The following MDFI variants were observed in gnomAD, a reference collection of about 807,000 sequenced individuals.
MDFI encodes the protein inhibitor of MyoD family a.
MDFI carries 16 observed loss-of-function variants against 22.3 expected under a neutral mutation model. The ratio of observed to expected loss-of-function variants is 0.72; its 90% CI spans 0.49 to 1.09. The LOEUF (loss-of-function observed/expected upper bound fraction) is 1.09. Ranked by LOEUF, MDFI falls within the 50% of genes least tolerant of loss-of-function variation. The pLI is 0.00. For missense variants in MDFI, 314 were observed against 326.1 expected, an observed-to-expected ratio of 0.96 and a Z score of 0.29; for synonymous variants, 145 against 142.7, an observed-to-expected ratio of 1.02 and a Z score of -0.12.
intron 2 of MDFI, among the ~76,000 whole-genome samples, chr6:41,642,281 G>T (rs1441365733): frequency 1.3e-5 from 2 of 152,128 alleles, no homozygotes; most frequent in Non-Finnish European, 2.9e-5. Context: ...CACCCCCTTG[G>T]CAGGCACCTT....
chr6:41,640,826 C>G (rs1473308625), intron 2 of MDFI, among the ~76,000 whole-genome samples: 2 of 152,232 alleles, frequency 1.3e-5, no homozygotes, highest in Non-Finnish European at 2.9e-5. Flanking sequence ...CTCCTCCCCA[C>G]CCACCCCTGA....
rs371199141 is a variant in MDFI, at chr6:41,653,276, C to T, written c.485-43C>T. The T allele has an allele frequency of 1.0e-5, 16 of 1,594,416 alleles. No homozygotes were observed. The East Asian group carries it at 1.8e-4, about 18-fold the overall frequency. On this transcript the variant is annotated intron_variant, in intron 4 of 4. Transcript: ENST00000230321. This position sits in a 1 kb window ranked among gnomAD's most constrained non-coding sequence, Gnocchi z 4.2. ...CCGGCTATTTCACACACGCTCATCC[C>T]TCCCCTCTCTCACCCGTCCCCCTCT...
rs551815678 is a variant in MDFI at position 41,649,743 on chromosome 6, G to A, written c.384G>A (p.Arg128=). The part of the protein sequence containing the change: ...NGALGGPKAH[R]KLQTHPSLAS... ...CCCTGGGTGGCCCCAAGGCCCACCG[G>A]AAGTTGCAGACACACCCATCTCTCG... is the stretch of plus-strand genomic sequence containing the variant. Residue 128 remains arginine, a synonymous_variant, in exon 4 of 5, where the codon CGG becomes CGA. Coordinates refer to ENST00000230321, the MANE Select transcript of MDFI (RefSeq NM_005586.4). 1.4e-4 allele frequency: 225 copies of A among 1,614,134 alleles called. No individual in the cohort carries two copies. Among genetic ancestry groups the A allele is most frequent in the Non-Finnish European group, 1.8e-4 (218 of 1,180,022 alleles).
rs778878739 is a variant in MDFI at position 41,653,331 on chromosome 6, A to G, written c.497A>G (p.His166Arg). The change falls in exon 5 of 5, where the codon CAC (histidine) becomes CGC (arginine). Residue 166 changes from histidine (H) to arginine (R), a missense_variant. By Grantham distance (29) the His-to-Arg change is conservative. Coordinates refer to ENST00000230321, the MANE Select transcript of MDFI (RefSeq NM_005586.4). This position sits in a 1 kb window ranked among gnomAD's most constrained non-coding sequence, Gnocchi z 4.2. ...PLQAQEDCCV[H>R]CILSCLFCEF... ...CGCCACCCCGCAGACTGCTGTGTCC[A>G]CTGCATCCTGTCCTGCCTGTTCTGC... 3 of 1,611,092 alleles carry G rather than the reference A, an allele frequency of 1.9e-6. No individual in the cohort carries two copies. The highest frequency in any genetic ancestry group is 2.2e-5 in the South Asian group (2 of 91,006).
At chr6:41,648,563 G>T (rs932718149) in intron 3 of MDFI, among the ~76,000 whole-genome samples, 3 of 152,100 alleles carry the variant, frequency 2.0e-5, no homozygotes, top group Non-Finnish European at 4.4e-5. Context: ...CACAGACCAG[G>T]CCTGGAGGGA....
rs1768211783 is a variant in MDFI at position 41,650,046 on chromosome 6, G to C, written c.484+203G>C. The C allele has an allele frequency of 6.9e-6, 4 of 581,082 alleles. No homozygotes were observed. The East Asian group carries it at 1.2e-4, about 17-fold the overall frequency. 36.0% of individuals were successfully genotyped at this position (581,082 alleles called of 1,614,324 possible). A position where few individuals can be genotyped will look rare whatever the true frequency, so the allele number is the denominator to read the frequency against. ...GAACCTGACGCATGACCAAATCTTA[G>C]AACCTTGCAAAGTACACCCGTTGGG... is the stretch of plus-strand genomic sequence containing the variant. On this transcript the variant is annotated intron_variant, in intron 4 of 4. Transcript: ENST00000230321.
At chr6:41,648,496 C>T (rs1768140693) in intron 3 of MDFI, among the ~76,000 whole-genome samples, 1 of 152,206 alleles carries the variant, frequency 6.6e-6, no homozygotes, top group Non-Finnish European at 1.5e-5. Context: ...ACCGAGGCCA[C>T]CCTCCCCTCT....
intron 2 of MDFI, among the ~76,000 whole-genome samples, chr6:41,641,284 G>A (rs1194108249): frequency 2.6e-5 from 4 of 152,290 alleles, no homozygotes; most frequent in South Asian, 4.1e-4. Flanking sequence ...TTGAGAAGCC[G>A]GGATTTCACT....
chr6:41,644,790 A>G (rs1406106531), intron 2 of MDFI, among the ~76,000 whole-genome samples: 2 of 149,156 alleles, frequency 1.3e-5, no homozygotes, highest in Non-Finnish European at 3.0e-5. Context: ...TTCCATTTCA[A>G]TTCCCAAGAC....
rs2127431727 is a variant in MDFI, at chr6:41,646,275, A to G, written c.226A>G (p.Thr76Ala). ...TGGCATCCCCCAGGGCCTGGACAGC[A>G]CTGACCTCGACGTCCCCACAGAAGC... ...GPGIPQGLDS[T>A]DLDVPTEAVT... The change falls in exon 3 of 5, where the codon ACT becomes GCT. Residue 76 changes from threonine to alanine, a missense_variant. Coordinates refer to ENST00000230321, the MANE Select transcript of MDFI (RefSeq NM_005586.4). 2 of 1,484,132 alleles carry G rather than the reference A, an allele frequency of 1.3e-6. No homozygotes were observed. The highest frequency in any genetic ancestry group is 8.9e-7 in the Non-Finnish European group (1 of 1,118,056). The allele number at this position is 1,484,132 out of a possible 1,614,324, so 91.9% of individuals were successfully genotyped here. A position where few individuals can be genotyped will look rare whatever the true frequency, so the allele number is the denominator to read the frequency against.
intron 2 of MDFI, chr6:41,639,332 C>G (rs1767762541): frequency 1.0e-6 from 1 of 985,286 alleles, no homozygotes; most frequent in Non-Finnish European, 1.2e-6. Context: ...CATCCCTTCT[C>G]CCTCGCCTTC....
chr6:41,640,015 C>A, intron 2 of MDFI: 3 of 825,070 alleles, frequency 3.6e-6, no homozygotes, highest in Non-Finnish European at 4.4e-6. Flanking sequence ...TAGATGAGGC[C>A]AGTGTGTCTA....
rs201019965 is a variant in MDFI, at chr6:41,653,306, C to T, written c.485-13C>T. The stretch of plus-strand genomic sequence containing the variant: ...CTCTCTCACCCGTCCCCCTCTCCAC[C>T]GCCACCCCGCAGACTGCTGTGTCCA... On this transcript the variant is annotated splice_polypyrimidine_tract_variant and intron_variant, in intron 4 of 4. Coordinates refer to ENST00000230321, the MANE Select transcript of MDFI (RefSeq NM_005586.4). This position sits in a 1 kb window ranked among gnomAD's most constrained non-coding sequence, Gnocchi z 4.2. 48 of 1,604,380 alleles carry T rather than the reference C, an allele frequency of 3.0e-5. No homozygotes were observed. The highest frequency in any genetic ancestry group is 6.7e-5 in the East Asian group (3 of 44,644).
At chr6:41,644,765 A>G (rs1382962978) in intron 2 of MDFI, among the ~76,000 whole-genome samples, 1 of 143,230 alleles carries the variant, frequency 7.0e-6, no homozygotes, top group Non-Finnish European at 1.5e-5. Flanking sequence ...ACCCCTCACT[A>G]TTCTCTGTGA....
chr6:41,653,214 G>C lies in MDFI; in HGVS notation c.485-105G>C. 3.4e-6 allele frequency: 4 copies of C among 1,178,794 alleles called. No homozygotes were observed. Among genetic ancestry groups the C allele is most frequent in the Non-Finnish European group, 4.9e-6 (4 of 813,846 alleles). 73.0% of individuals were successfully genotyped at this position (1,178,794 alleles called of 1,614,324 possible). Reference sequence around the variant, plus strand: ...TTCAGGCACACAGTGAACACTCAGCGTCCCTGCTGCTGCCGCTGCCGCAGG... The same window carrying C: ...TTCAGGCACACAGTGAACACTCAGCCTCCCTGCTGCTGCCGCTGCCGCAGG... On this transcript the variant is annotated intron_variant, in intron 4 of 4. Transcript: ENST00000230321. The surrounding 1 kb of genome is among the most constrained non-coding windows in gnomAD (Gnocchi z 4.2).
At chr6:41,637,672 C>G (rs1561825262), upstream of MDFI, among the ~76,000 whole-genome samples, 2 of 152,114 alleles carry the variant, frequency 1.3e-5, no homozygotes, top group African/African-American at 4.8e-5. The surrounding 1 kb of genome is among the most constrained non-coding windows in gnomAD (Gnocchi z 6.8). Flanking sequence ...CACGGCTCAC[C>G]ATCCAGACGC....
intron 3 of MDFI, among the ~76,000 whole-genome samples, chr6:41,648,612 GC>G (rs1417028067): frequency 2.6e-5 from 4 of 152,088 alleles, no homozygotes; most frequent in Non-Finnish European, 5.9e-5. Flanking sequence ...GGACTGAAGT[GC>G]CCCCCACATT....
Position 41,653,291 on chromosome 6 carries a change from C to G in MDFI, c.485-28C>G. ...ACGCTCATCCCTCCCCTCTCTCACC[C>G]GTCCCCCTCTCCACCGCCACCCCGC... is the stretch of plus-strand genomic sequence containing the variant. On this transcript the variant is annotated intron_variant, in intron 4 of 4. Coordinates refer to ENST00000230321, the MANE Select transcript of MDFI (RefSeq NM_005586.4). This position sits in a 1 kb window ranked among gnomAD's most constrained non-coding sequence, Gnocchi z 4.2. 6.2e-7 allele frequency: 1 copy of G among 1,602,048 alleles called. No individual in the cohort carries two copies. The highest frequency in any genetic ancestry group is 1.1e-5 in the South Asian group (1 of 90,574).
chr6:41,646,194 C>A lies in MDFI; in HGVS notation c.145C>A (p.Pro49Thr). Residue 49 changes from proline to threonine, a missense_variant, in exon 3 of 5, where the codon CCA becomes ACA. By Grantham distance (38) the Pro-to-Thr change is conservative (BLOSUM62 -1). Transcript: ENST00000230321. Reference sequence around the variant, plus strand: ...ATCCACTCACCCTGCGGAGGCAGCACCAGAGGAGGGCTCCCTGGAGGAGGC... The same window carrying A: ...ATCCACTCACCCTGCGGAGGCAGCAACAGAGGAGGGCTCCCTGGAGGAGGC... ...TGSTHPAEAA[P>T]EEGSLEEAAT... 6 of 1,591,842 alleles carry A rather than the reference C, an allele frequency of 3.8e-6. No individual in the cohort carries two copies. The highest frequency in any genetic ancestry group is 5.1e-6 in the Non-Finnish European group (6 of 1,169,478).
Sources: gnomAD v4.1 joint callset for allele counts (sites outside exome capture counted in the v4.1 genomes callset) on GRCh38, gnomAD v4.1.1 for gene constraint, Gnocchi (gnomAD v3.1) non-coding constraint, MANE v1.5 for transcripts, NCBI Gene and HGNC (gene_info 2026-07-23, HGNC 2026-07-21) for gene names.